The following TIPARP variants were observed in gnomAD, a reference collection of about 807,000 sequenced individuals.
The protein encoded by TIPARP is TCDD inducible poly(ADP-ribose) polymerase.
A neutral mutation model predicts 56.5 loss-of-function variants in TIPARP; 12 were observed. The ratio of observed to expected loss-of-function variants is 0.21; its 90% CI spans 0.14 to 0.34. The LOEUF is 0.34. TIPARP is among the 10% of genes least tolerant of loss of function. The pLI is 1.00. For synonymous variants in TIPARP, 296 were observed against 265.7 expected (o/e 1.11, Z -1.11); for missense variants, 604 against 781.6 (o/e 0.77, Z 2.71).
intron 2 of TIPARP, among the ~76,000 whole-genome samples, chr3:156,690,604 G>A (rs1722548369): frequency 1.3e-5 from 2 of 152,112 alleles, no homozygotes; most frequent in African/African-American, 4.8e-5. Context: ...TATTTCAGCG[G>A]TTCAAGTTCA....
chr3:156,696,112 T>G, intron 4 of TIPARP, 87 bp downstream of exon 4: 10 of 1,457,584 alleles, frequency 6.9e-6, no homozygotes, highest in Non-Finnish European at 9.2e-6. Context: ...TAAATAAGAG[T>G]CTACCTTGGT....
At chr3:156,679,171 T>C (rs138740908) in intron 2 of TIPARP, among the ~76,000 whole-genome samples, 5 of 152,314 alleles carry the variant, frequency 3.3e-5, no homozygotes, top group East Asian at 3.9e-4. Context: ...GTTTATATTA[T>C]AGATAAAATA....
At chr3:156,702,065 GGTGGTGGTT>G (rs1481040474) in intron 4 of TIPARP, among the ~76,000 whole-genome samples, 2,403 of 114,940 alleles carry the variant, frequency 0.021, 48 homozygotes, top group Non-Finnish European at 0.024. Flanking sequence ...TGGTGGTGGT[GGTGGTGGTT>G]GTGGTGGTGG....
intron 1 of TIPARP, among the ~76,000 whole-genome samples, chr3:156,676,178 A>G (rs1176315101): frequency 6.6e-6 from 1 of 152,206 alleles, no homozygotes; most frequent in East Asian, 1.9e-4. Context: ...ATGATGAATA[A>G]TAACGCCTGG....
chr3:156,688,195 C>T (rs1334704867), intron 2 of TIPARP, among the ~76,000 whole-genome samples: 2 of 151,752 alleles, frequency 1.3e-5, no homozygotes, highest in Non-Finnish European at 2.9e-5. Context: ...GGCAACATGG[C>T]GAAACCTTGT....
At chr3:156,685,737 G>C (rs1722413889) in intron 2 of TIPARP, among the ~76,000 whole-genome samples, 1 of 152,184 alleles carries the variant, frequency 6.6e-6, no homozygotes, top group Non-Finnish European at 1.5e-5. Flanking sequence ...ATACGACATA[G>C]CCAAAGAGTT....
In TIPARP at chr3:156,706,755, T is replaced by G. The variant is rs1722993240; in HGVS notation, c.*1624T>G. The G allele has an allele frequency of 6.6e-6, 1 of 152,596 alleles. No individual in the cohort carries two copies. The highest frequency in any genetic ancestry group is 2.1e-4 in the South Asian group (1 of 4,832). 9.5% of individuals were successfully genotyped at this position (152,596 alleles called of 1,614,324 possible). A position where few individuals can be genotyped will look rare whatever the true frequency, so the allele number is the denominator to read the frequency against. On this transcript the variant is annotated 3_prime_UTR_variant, in exon 6 of 6. Coordinates refer to ENST00000295924, the MANE Select transcript of TIPARP (RefSeq NM_015508.5). ...TAAAACTAAGCAAAAATAAAACTTA[T>G]GGTAATTCTTTAAAATTTGTTGTTG... is the stretch of plus-strand genomic sequence containing the variant.
At chr3:156,675,401 G>A (rs923784331) in intron 1 of TIPARP, 2 of 152,364 alleles carry the variant, frequency 1.3e-5, no homozygotes, top group African/African-American at 4.8e-5. Flanking sequence ...GGTGAGCTGA[G>A]GGGGTAAAGA....
chr3:156,699,764 T>C (rs1158960869), intron 4 of TIPARP, among the ~76,000 whole-genome samples: 1 of 152,216 alleles, frequency 6.6e-6, no homozygotes, highest in Non-Finnish European at 1.5e-5. Flanking sequence ...CCTTTTTCTT[T>C]TAAAAATTTT....
chr3:156,699,029 TAGA>T (rs1425739118), intron 4 of TIPARP, among the ~76,000 whole-genome samples: 1 of 152,114 alleles, frequency 6.6e-6, no homozygotes, highest in African/African-American at 2.4e-5. Context: ...GCAAGAGAGG[TAGA>T]AGTAGAAGTG....
intron 2 of TIPARP, chr3:156,681,226 T>G (rs761879820): frequency 2.2e-6 from 1 of 456,640 alleles, no homozygotes. Flanking sequence ...CTAAAGCTAT[T>G]AATCTCTGTG....
In TIPARP at chr3:156,678,438, G is replaced by A; in HGVS notation, c.741G>A (p.Leu247=). The change falls in exon 2 of 6, where the codon CTG becomes CTA. Residue 247 remains leucine, a synonymous_variant. Coordinates refer to ENST00000295924, the MANE Select transcript of TIPARP (RefSeq NM_015508.5). ...GAATTGAAATTTGCATGGACTTTCT[G>A]CAAGGCACTTGTATTTATGGCAGGG... ...ENGIEICMDF[L]QGTCIYGRDC... 3 of 1,614,184 alleles carry A rather than the reference G, an allele frequency of 1.9e-6. No homozygotes were observed. Among genetic ancestry groups the A allele is most frequent in the Non-Finnish European group, 2.5e-6 (3 of 1,180,028 alleles).
chr3:156,700,078 T>C (rs1314753566), intron 4 of TIPARP, among the ~76,000 whole-genome samples: 1 of 151,852 alleles, frequency 6.6e-6, no homozygotes, highest in African/African-American at 2.4e-5. Flanking sequence ...TTAAAACTTT[T>C]TTATTTTTTT....
intron 2 of TIPARP, chr3:156,681,311 C>A: frequency 2.7e-6 from 1 of 371,812 alleles, no homozygotes; most frequent in Non-Finnish European, 5.5e-6. Context: ...GTGTATATGT[C>A]GAAGTTGGAA....
chr3:156,676,595 G>A (rs1052154069), intron 1 of TIPARP: 3 of 152,234 alleles, frequency 2.0e-5, no homozygotes, highest in African/African-American at 7.2e-5. Context: ...ATTTGATTAA[G>A]TCATGGGACC....
chr3:156,694,056 C>T lies in TIPARP; in HGVS notation c.954C>T (p.Asn318=), dbSNP rs746139475. The change falls in exon 3 of 6, where the codon AAC becomes AAT. Residue 318 remains asparagine (N), a synonymous_variant. Coordinates refer to ENST00000295924, the MANE Select transcript of TIPARP (RefSeq NM_015508.5). ...QEFWADLNAM[N]VYETTEFDQL... ...TTTGGGCAGATTTGAATGCCATGAA[C>T]GTGTATGAAACAACTGAATTTGACC... The T allele has an allele frequency of 1.9e-5, 30 of 1,611,488 alleles. No homozygotes were observed. Among genetic ancestry groups the T allele is most frequent in the Middle Eastern group, 1.6e-4 (1 of 6,072 alleles).
At chr3:156,704,232 A>T (rs1447215920) in intron 5 of TIPARP, among the ~76,000 whole-genome samples, 1 of 152,202 alleles carries the variant, frequency 6.6e-6, no homozygotes, top group East Asian at 1.9e-4. Context: ...GCTGCAGGTC[A>T]TGCGGCTATT....
At chr3:156,700,252 G>A (rs1307592117) in intron 4 of TIPARP, among the ~76,000 whole-genome samples, 1 of 151,658 alleles carries the variant, frequency 6.6e-6, no homozygotes, top group Non-Finnish European at 1.5e-5. Flanking sequence ...GGACTTACAG[G>A]TGGATGCTGC....
intron 2 of TIPARP, among the ~76,000 whole-genome samples, chr3:156,689,572 G>A (rs1354962603): frequency 6.6e-6 from 1 of 152,196 alleles, no homozygotes; most frequent in East Asian, 1.9e-4. Context: ...GGACTTTGTT[G>A]TAAATTCACT....
Sources: gnomAD v4.1 joint callset for allele counts (sites outside exome capture counted in the v4.1 genomes callset) on GRCh38, gnomAD v4.1.1 for gene constraint, MANE v1.5 for transcripts, NCBI Gene and HGNC (gene_info 2026-07-23, HGNC 2026-07-21) for gene names.